The following KLF15 variants were observed in gnomAD, a reference collection of about 807,000 sequenced individuals.
The protein encoded by KLF15 is KLF transcription factor 15.
In KLF15, 4 loss-of-function variants were observed where a neutral mutation model predicts 24.6. That is an observed-to-expected ratio of 0.16 (90% CI 0.08 to 0.37). The LOEUF (loss-of-function observed/expected upper bound fraction) is 0.37. Among genes scored for constraint, KLF15 ranks in the 10% least tolerant of loss-of-function variants. The pLI is 1.00. For missense variants in KLF15, 496 were observed against 560.6 expected, an observed-to-expected ratio of 0.88 and a Z score of 1.16; for synonymous variants, 246 against 236.3, an observed-to-expected ratio of 1.04 and a Z score of -0.37.
At chr3:126,340,429 G>A (rs1298887354), downstream of KLF15, among the ~76,000 whole-genome samples, 2 of 152,230 alleles carry the variant, frequency 1.3e-5, no homozygotes, top group South Asian at 2.1e-4. Context: ...AAGAGCGAAG[G>A]AGGCTGGGTG....
chr3:126,306,430 C>T, the KLF15 span, among the ~76,000 whole-genome samples: 4 of 152,292 alleles, frequency 2.6e-5, no homozygotes, highest in African/African-American at 9.6e-5. Context: ...AAAATAAATG[C>T]GTAACCCAGA....
chr3:126,323,385 C>G, the KLF15 span, among the ~76,000 whole-genome samples: 1 of 106,090 alleles, frequency 9.4e-6, no homozygotes, highest in Admixed American at 1.1e-4. Context: ...TAGATATTCT[C>G]TTACTTAGCC....
rs775427166 is a variant in KLF15 at position 126,352,222 on chromosome 3, G to C, written c.701C>G (p.Thr234Arg). 6 of 1,538,350 alleles carry C rather than the reference G, an allele frequency of 3.9e-6. No homozygotes were observed. Among genetic ancestry groups the C allele is most frequent in the Non-Finnish European group, 4.4e-6 (5 of 1,145,274 alleles). ...QPVPVKQESG[T>R]GPASPGQAPE... ...GGCTTGCCCAGGGGAGGCAGGCCCTGTGCCCGATTCCTGCTTCACAGGCAC... is the reference window on the plus strand; with the variant it reads ...GGCTTGCCCAGGGGAGGCAGGCCCTCTGCCCGATTCCTGCTTCACAGGCAC... Residue 234 changes from threonine to arginine, a missense_variant, in exon 2 of 3, where the codon ACA becomes AGA. Transcript: ENST00000296233.
At chr3:126,329,102 T>A in the KLF15 span, among the ~76,000 whole-genome samples, 1 of 152,232 alleles carries the variant, frequency 6.6e-6, no homozygotes, top group East Asian at 1.9e-4. Context: ...CTATTTCTTG[T>A]ACCTTTATAA....
At chr3:126,288,430 A>G in the KLF15 span, 1 of 152,280 alleles carries the variant, frequency 6.6e-6, no homozygotes, top group Non-Finnish European at 1.5e-5. Context: ...AGATCAAGTC[A>G]AGGCAGTTAT....
At chr3:126,314,649 C>A in the KLF15 span, among the ~76,000 whole-genome samples, 2 of 152,212 alleles carry the variant, frequency 1.3e-5, no homozygotes, top group South Asian at 4.1e-4. Context: ...CCATTCACCC[C>A]ACAGCTGCAC....
the KLF15 span, among the ~76,000 whole-genome samples, chr3:126,316,763 G>A: frequency 6.6e-6 from 1 of 152,078 alleles, no homozygotes; most frequent in East Asian, 1.9e-4. Flanking sequence ...GTGGGGAAGG[G>A]AGTGCACAGG....
the KLF15 span, among the ~76,000 whole-genome samples, chr3:126,331,978 C>T: frequency 6.6e-6 from 1 of 152,154 alleles, no homozygotes; most frequent in African/African-American, 2.4e-5. Flanking sequence ...CTGCAAGGCG[C>T]CAGCGAGGCT....
At chr3:126,346,483 A>T (rs752906767) in intron 2 of KLF15, among the ~76,000 whole-genome samples, 1 of 152,102 alleles carries the variant, frequency 6.6e-6, no homozygotes, top group Non-Finnish European at 1.5e-5. Context: ...CAATTTCTTC[A>T]TTCATCCAAT....
At chr3:126,338,998 C>G (rs113285186), downstream of KLF15, among the ~76,000 whole-genome samples, 5 of 152,194 alleles carry the variant, frequency 3.3e-5, no homozygotes, top group Non-Finnish European at 7.3e-5. Flanking sequence ...CGATCTCTAT[C>G]AGTGCTGGGT....
chr3:126,311,425 C>A, the KLF15 span, among the ~76,000 whole-genome samples: 5 of 152,192 alleles, frequency 3.3e-5, no homozygotes, highest in Non-Finnish European at 7.3e-5. Flanking sequence ...CTCGGGTGAA[C>A]CCTCTGCACA....
At position 126,356,938 on chromosome 3, in the gene KLF15, G is replaced by A. The variant is rs1478311553; in HGVS notation, c.-26+299C>T. On this transcript the variant is annotated intron_variant, in intron 1 of 2. Coordinates refer to ENST00000296233, the MANE Select transcript of KLF15 (RefSeq NM_014079.4). The surrounding 1 kb of genome is among the most constrained non-coding windows in gnomAD (Gnocchi z 4.4). ...AGGCCGCGCCGGTGCCCACCATATG[G>A]GAGGGCCGGCCCGCAAGGCGCGCCA... is the stretch of plus-strand genomic sequence containing the variant. 1.3e-5 allele frequency among the ~76,000 whole-genome samples: 2 copies of A among 151,920 alleles called. No homozygotes were observed. The highest frequency in any genetic ancestry group is 4.8e-5 in the African/African-American group (2 of 41,400).
chr3:126,312,577 C>A, the KLF15 span, among the ~76,000 whole-genome samples: 1 of 152,246 alleles, frequency 6.6e-6, no homozygotes, highest in African/African-American at 2.4e-5. Context: ...TGGCACCCAG[C>A]AATGCGCTAA....
At chr3:126,342,077 T>C (rs1303924414), downstream of KLF15, among the ~76,000 whole-genome samples, 2 of 152,038 alleles carry the variant, frequency 1.3e-5, no homozygotes. Context: ...CCCAGGCATG[T>C]TGGGGAGTTA....
At chr3:126,299,764 A>G in the KLF15 span, among the ~76,000 whole-genome samples, 1 of 150,444 alleles carries the variant, frequency 6.6e-6, no homozygotes, top group Non-Finnish European at 1.5e-5. Context: ...AAAAAAAAAA[A>G]AAAAAAAAAG....
rs1211623422 is a variant in KLF15 at position 126,342,733 on chromosome 3, A to AC, written c.*993_*994insG. The AC allele has an allele frequency of 1.3e-5, 2 of 152,686 alleles. No individual in the cohort carries two copies. The highest frequency in any genetic ancestry group is 3.9e-4 in the East Asian group (2 of 5,186). 9.5% of individuals were successfully genotyped at this position (152,686 alleles called of 1,614,324 possible). ...TAACATATGTACACCAGCTTCATAG[A>AC]TTTTTTTAAATTTCAAATTTACACA... On this transcript the variant is annotated 3_prime_UTR_variant, in exon 3 of 3. Coordinates refer to ENST00000296233, the MANE Select transcript of KLF15 (RefSeq NM_014079.4).
At position 126,342,871 on chromosome 3, in the gene KLF15, T is replaced by C. The variant is rs1389115475; in HGVS notation, c.*856A>G. ...TGTCAAAACAAGCTAGTTCATTTAT[T>C]AATTTCTAGACAAAATAAGGAATGC... On this transcript the variant is annotated 3_prime_UTR_variant, in exon 3 of 3. Coordinates refer to ENST00000296233, the MANE Select transcript of KLF15 (RefSeq NM_014079.4). 2 of 152,556 alleles carry C rather than the reference T, an allele frequency of 1.3e-5. No homozygotes were observed. Among genetic ancestry groups the C allele is most frequent in the Non-Finnish European group, 2.9e-5 (2 of 68,020 alleles). 9.5% of individuals were successfully genotyped at this position (152,556 alleles called of 1,614,324 possible). A position where few individuals can be genotyped will look rare whatever the true frequency, so the allele number is the denominator to read the frequency against.
At chr3:126,339,078 G>C (rs11917454), downstream of KLF15, among the ~76,000 whole-genome samples, 941 of 152,336 alleles carry the variant, frequency 6.2e-3, 9 homozygotes, top group African/African-American at 0.022. Flanking sequence ...GAGGCTGACA[G>C]TGGGGGACTG....
downstream of KLF15, among the ~76,000 whole-genome samples, chr3:126,341,881 C>G (rs987950104): frequency 1.3e-5 from 2 of 152,122 alleles, no homozygotes; most frequent in African/African-American, 4.8e-5. Flanking sequence ...GCAGCCCTCT[C>G]TGTGTGTGTG....
Sources: gnomAD v4.1 joint callset for allele counts (sites outside exome capture counted in the v4.1 genomes callset) on GRCh38, gnomAD v4.1.1 for gene constraint, Gnocchi (gnomAD v3.1) non-coding constraint, MANE v1.5 for transcripts, NCBI Gene and HGNC (gene_info 2026-07-23, HGNC 2026-07-21) for gene names.